GAK: variants seen among roughly 807,000 people sequenced by gnomAD.
GAK encodes cyclin-G-associated kinase.
GAK carries 79 observed loss-of-function variants against 143.9 expected under a neutral mutation model. The ratio of observed to expected loss-of-function variants is 0.55; its 90% CI spans 0.46 to 0.66. GAK has a LOEUF of 0.66. Among genes scored for constraint, GAK ranks in the 30% least tolerant of loss-of-function variants. The pLI is 0.00. For missense variants in GAK, 1,693 were observed against 1,779.7 expected (o/e 0.95, Z 0.88); for synonymous variants, 881 against 765.5 (o/e 1.15, Z -2.49).
chr4:902,433 C>T (rs180997942), intron 5 of GAK, among the ~76,000 whole-genome samples: 6 of 151,486 alleles, frequency 4.0e-5, no homozygotes, highest in African/African-American at 1.5e-4. Flanking sequence ...GGTGAAACCC[C>T]ATTTCTACTG....
chr4:872,210 A>G (rs1429895740), intron 18 of GAK: 1 of 152,152 alleles, frequency 6.6e-6, no homozygotes, highest in Non-Finnish European at 1.5e-5. Context: ...CCTCTAAAAC[A>G]TCCTCTCCCT....
chr4:894,161 G>A (rs1408941607), intron 7 of GAK, 152 bp from the exon 8 acceptor site: 34 of 835,784 alleles, frequency 4.1e-5, no homozygotes, highest in Non-Finnish European at 5.3e-5. Context: ...ACTGGGGACT[G>A]CAGGGAACAC....
rs1475659575 is a variant in GAK, at chr4:876,511, A to G, written c.2054+19T>C. 6.2e-7 allele frequency: 1 copy of G among 1,611,554 alleles called. No individual in the cohort carries two copies. The highest frequency in any genetic ancestry group is 1.7e-4 in the Middle Eastern group (1 of 6,058). ...GGGCACCTGTCCCTCCCCACCGAGC[A>G]CAAGCGGTACCAACGTACTTGGCAA... On this transcript the variant is annotated intron_variant, in intron 18 of 27. Transcript: ENST00000314167.
intron 24 of GAK, 80 bp from the exon 25 acceptor site, chr4:852,054 G>C: frequency 8.3e-7 from 1 of 1,199,466 alleles, no homozygotes; most frequent in Non-Finnish European, 1.2e-6. Context: ...AGAGCACCAC[G>C]TATATTGGAA....
At chr4:914,425 A>G (rs1252965708) in intron 1 of GAK, among the ~76,000 whole-genome samples, 1 of 73,404 alleles carries the variant, frequency 1.4e-5, no homozygotes, top group African/African-American at 5.8e-5. Context: ...ACACACACAC[A>G]GCCCCAGCGT....
intron 5 of GAK, among the ~76,000 whole-genome samples, chr4:900,455 G>A (rs1719657716): frequency 6.6e-6 from 1 of 152,222 alleles, no homozygotes; most frequent in Non-Finnish European, 1.5e-5. Context: ...CACAGACACG[G>A]ATTCTTCACC....
intron 11 of GAK, chr4:886,010 C>T (rs1205877767): frequency 6.6e-6 from 1 of 152,232 alleles, no homozygotes; most frequent in African/African-American, 2.4e-5. Context: ...AAGTGATCCT[C>T]CCTCCTCGGC....
chr4:866,690 G>C (rs1173128381), intron 21 of GAK, among the ~76,000 whole-genome samples, 156 bp from the exon 22 acceptor site: 1 of 152,172 alleles, frequency 6.6e-6, no homozygotes, highest in East Asian at 1.9e-4. Context: ...TCAGCCCAGG[G>C]GCTCCCCGTG....
intron 1 of GAK, chr4:913,971 G>C (rs1475689266): frequency 1.0e-5 from 2 of 200,482 alleles, no homozygotes; most frequent in African/African-American, 1.2e-4. Flanking sequence ...CAGCGTGCAC[G>C]GCCCCCACAC....
intron 1 of GAK, among the ~76,000 whole-genome samples, chr4:921,188 C>T (rs561603056): frequency 2.0e-5 from 3 of 152,238 alleles, no homozygotes; most frequent in South Asian, 4.1e-4. Flanking sequence ...CTGTAGCCTC[C>T]GCCTCCCAGG....
intron 19 of GAK, chr4:869,559 TGCACAC>T (rs1711974570): frequency 2.6e-5 from 2 of 76,588 alleles, no homozygotes; most frequent in Non-Finnish European, 5.0e-5. Flanking sequence ...TACACATGAA[TGCACAC>T]ACACAGATGC....
intron 5 of GAK, among the ~76,000 whole-genome samples, chr4:899,014 C>T (rs757206976): frequency 9.9e-5 from 15 of 152,244 alleles, no homozygotes; most frequent in South Asian, 2.1e-4. Context: ...AAGCCACGGA[C>T]GCCAGAGGCT....
intron 8 of GAK, 151 bp from the exon 9 acceptor site, chr4:893,640 A>G (rs1718121033): frequency 1.3e-6 from 1 of 744,172 alleles, no homozygotes; most frequent in South Asian, 2.1e-5. Flanking sequence ...AGGGAAGAAC[A>G]AAAACCGAAC....
Position 893,948 on chromosome 4 carries a change from T to C in GAK, c.803A>G (p.Lys268Arg). The change falls in exon 8 of 28, where the codon AAA (lysine) becomes AGA (arginine). Residue 268 changes from lysine to arginine, a missense_variant. By Grantham distance (26) the Lys-to-Arg change is conservative (BLOSUM62 2). Transcript: ENST00000314167. ...GTACTTCCCATTGACTATTCGAAGTTTCGCTCCATCCTCAAAAGGGTGCTG... is the reference window on the plus strand; with the variant it reads ...GTACTTCCCATTGACTATTCGAAGTCTCGCTCCATCCTCAAAAGGGTGCTG... ...FRQHPFEDGA[K>R]LRIVNGKYSI... The C allele has an allele frequency of 6.2e-7, 1 of 1,612,998 alleles. No individual in the cohort carries two copies.
At chr4:879,981 A>T (rs1030274411) in intron 15 of GAK, among the ~76,000 whole-genome samples, 1 of 151,966 alleles carries the variant, frequency 6.6e-6, no homozygotes, top group African/African-American at 2.4e-5. Flanking sequence ...CACGGCTCTG[A>T]AGAGTGGCCC....
At chr4:883,600 G>T in intron 12 of GAK, 137 bp from the exon 13 acceptor site, 1 of 976,138 alleles carries the variant, frequency 1.0e-6, no homozygotes, top group Non-Finnish European at 1.6e-6. Flanking sequence ...CCACACAGCC[G>T]GCCCCCTCAC....
rs148709653 is a variant in GAK, at chr4:908,241, G to C, written c.382+3432C>G. 2.4e-4 allele frequency among the ~76,000 whole-genome samples: 36 copies of C among 152,254 alleles called. 1 individual carries two copies. The East Asian group carries it at 7.0e-3, about 29-fold the overall frequency. ...TCCAAGTGTGCTGGGCAGAGGGTGC[G>C]GCAAGGCTCACACAGCAGGCAGGCT... On this transcript the variant is annotated intron_variant, in intron 4 of 27. Coordinates refer to ENST00000314167, the MANE Select transcript of GAK (RefSeq NM_005255.4).
intron 11 of GAK, chr4:886,737 C>T (rs1360550756): frequency 6.6e-6 from 1 of 152,228 alleles, no homozygotes; most frequent in African/African-American, 2.4e-5. Context: ...TGTCACCTGT[C>T]AGGACCCTGC....
At chr4:856,933 G>C (rs1344630915) in intron 24 of GAK, among the ~76,000 whole-genome samples, 1 of 152,180 alleles carries the variant, frequency 6.6e-6, no homozygotes, top group Non-Finnish European at 1.5e-5. Context: ...CTCATGACTG[G>C]CTGACAGTGC....
Sources: gnomAD v4.1 joint callset for allele counts (sites outside exome capture counted in the v4.1 genomes callset) on GRCh38, gnomAD v4.1.1 for gene constraint, MANE v1.5 for transcripts, NCBI Gene and HGNC (gene_info 2026-07-23, HGNC 2026-07-21) for gene names.